Variants in HEPH observed in about 807,000 individuals in gnomAD.
The protein encoded by HEPH is hephaestin.
Under a neutral mutation model 80.8 loss-of-function variants are expected in HEPH, and 69 were observed. The observed-to-expected ratio is 0.85, with a 90% CI of 0.70 to 1.04. The LOEUF (loss-of-function observed/expected upper bound fraction) is 1.04. HEPH is among the 50% of genes least tolerant of loss of function. HEPH has a pLI of 0.00. For synonymous variants in HEPH, 431 were observed against 322.8 expected, an observed-to-expected ratio of 1.34 and a Z score of -3.60; for missense variants, 1,115 against 891.3, an observed-to-expected ratio of 1.25 and a Z score of -3.20.
At chrX:66,177,913 T>C (rs2086883696) in intron 4 of HEPH, among the ~76,000 whole-genome samples, 1 of 107,679 alleles carries the variant, frequency 9.3e-6, no homozygotes, top group African/African-American at 3.5e-5. Context: ...TTGGTTTTTA[T>C]AGGTTGTGTT....
intron 15 of HEPH, among the ~76,000 whole-genome samples, chrX:66,218,067 A>G (rs2089474558): frequency 1.8e-5 from 2 of 111,863 alleles, no homozygotes; most frequent in African/African-American, 6.5e-5. Context: ...TGAGGCAGAC[A>G]GCAACAGAAT....
intron 13 of HEPH, among the ~76,000 whole-genome samples, chrX:66,206,948 C>T (rs1035693487): frequency 1.6e-4 from 17 of 109,101 alleles, no homozygotes; most frequent in African/African-American, 5.3e-4. Flanking sequence ...ACTCGGAAGG[C>T]GGAGGTTGTG....
intron 5 of HEPH, among the ~76,000 whole-genome samples, chrX:66,188,941 G>A (rs2087643016): frequency 8.9e-6 from 1 of 112,523 alleles, no homozygotes; most frequent in South Asian, 3.7e-4. Context: ...TATCCACTTT[G>A]TGGAGAAAAA....
intron 15 of HEPH, among the ~76,000 whole-genome samples, chrX:66,212,759 G>T (rs1022390751): frequency 9.0e-6 from 1 of 110,512 alleles, no homozygotes; most frequent in Non-Finnish European, 1.9e-5. Context: ...TGCCTCCAGT[G>T]GTTTATTTAT....
At chrX:66,204,329 AAAG>A (rs764029128) in intron 13 of HEPH, among the ~76,000 whole-genome samples, 10 of 112,429 alleles carry the variant, frequency 8.9e-5, no homozygotes, top group East Asian at 2.8e-4. Flanking sequence ...TATTACTAAA[AAAG>A]AAGGAGAGAA....
intron 17 of HEPH, among the ~76,000 whole-genome samples, chrX:66,258,023 G>T (rs1352811532): frequency 8.9e-6 from 1 of 111,917 alleles, no homozygotes; most frequent in East Asian, 2.8e-4. Flanking sequence ...ATGCATTAAT[G>T]TTATTAATTC....
rs368312129 is a variant in HEPH, at chrX:66,231,058, C to G, written c.2563+22812C>G. The stretch of plus-strand genomic sequence containing the variant: ...AATCCTTTCCCCATTGCTTGTTTTT[C>G]TCAGGTTTGTCAAAGATCAGATAGT... On this transcript the variant is annotated intron_variant, in intron 15 of 20. Transcript: ENST00000343002. Among the ~76,000 whole-genome samples the G allele has an allele frequency of 7.8e-3, 850 of 108,617 alleles. 12 individuals carry two copies. Among genetic ancestry groups the G allele is most frequent in the Middle Eastern group, 0.023 (5 of 214 alleles). The allele number at this position is 108,617 out of a possible 115,157, so 94.3% of individuals were successfully genotyped here.
intron 15 of HEPH, among the ~76,000 whole-genome samples, chrX:66,224,061 A>T (rs1053379440): frequency 9.6e-6 from 1 of 103,957 alleles, no homozygotes; most frequent in African/African-American, 3.8e-5. Context: ...CTTTTTACTA[A>T]ATTCTGCAGC....
At position 66,258,852 on chromosome X, in the gene HEPH, A is replaced by G. The variant is rs2091265237; in HGVS notation, c.2909A>G (p.Lys970Arg). 8.7e-7 allele frequency: 1 copy of G among 1,155,551 alleles called. No homozygotes were observed. The highest frequency in any genetic ancestry group is 3.2e-5 in the East Asian group (1 of 31,631). ...TTTTTTTTGACAGCAATCAATGGGA[A>G]ACTCTATGCCAACCTTAGGGGTCTT... ...ESNKMHAING[K>R]LYANLRGLTM... Residue 970 changes from lysine to arginine, a missense_variant, in exon 18 of 21, where the codon AAA (lysine) becomes AGA (arginine). Physicochemically the swap from Lys to Arg is conservative, Grantham distance 26. Around this residue, in one of 3 missense-constraint regions of HEPH, gnomAD observed 716 missense variants for 523.5 expected, o/e 1.37. Coordinates refer to ENST00000343002, the MANE Select transcript of HEPH (RefSeq NM_001367233.3).
chrX:66,254,721 C>T (rs1310232307), intron 15 of HEPH, among the ~76,000 whole-genome samples: 2 of 108,951 alleles, frequency 1.8e-5, no homozygotes, highest in African/African-American at 6.7e-5. Context: ...AAAAAATAAA[C>T]CAAAGCAGAG....
chrX:66,179,716 G>T (rs1309517895), intron 4 of HEPH, among the ~76,000 whole-genome samples: 2 of 110,870 alleles, frequency 1.8e-5, no homozygotes, highest in Non-Finnish European at 3.8e-5. Flanking sequence ...TCTATCTATG[G>T]CATTTCTTAG....
At chrX:66,248,773 A>G (rs756212883) in intron 15 of HEPH, among the ~76,000 whole-genome samples, 1 of 112,285 alleles carries the variant, frequency 8.9e-6, no homozygotes, top group African/African-American at 3.2e-5. Context: ...GGTGGAAGAT[A>G]TAAACAGAAA....
At chrX:66,246,116 G>A (rs1284329675) in intron 15 of HEPH, among the ~76,000 whole-genome samples, 4 of 112,052 alleles carry the variant, frequency 3.6e-5, no homozygotes, top group African/African-American at 1.3e-4. Flanking sequence ...AGCTCTAGCA[G>A]GTGTAGCCTG....
At chrX:66,237,732 C>T (rs2090419513) in intron 15 of HEPH, among the ~76,000 whole-genome samples, 1 of 111,968 alleles carries the variant, frequency 8.9e-6, no homozygotes, top group Non-Finnish European at 1.9e-5. Context: ...TTGAAGTATT[C>T]CACTGTTATT....
At chrX:66,197,959 G>A (rs750977197) in intron 10 of HEPH, 65 bp downstream of exon 10, 7 of 969,459 alleles carry the variant, frequency 7.2e-6, no homozygotes, top group Non-Finnish European at 1.0e-5. Context: ...TTGCTGGATA[G>A]GAGTTAAGCA....
chrX:66,191,268 T>G (rs1317699640), intron 6 of HEPH, among the ~76,000 whole-genome samples: 1 of 112,094 alleles, frequency 8.9e-6, no homozygotes, highest in Admixed American at 9.4e-5. Context: ...AAAGTCTATT[T>G]CATACAATGG....
At chrX:66,239,884 C>T (rs1006186427) in intron 15 of HEPH, among the ~76,000 whole-genome samples, 3 of 111,556 alleles carry the variant, frequency 2.7e-5, no homozygotes, top group Non-Finnish European at 5.6e-5. Context: ...GTTGTCAAGC[C>T]CTTCTCCCAC....
chrX:66,223,835 A>C (rs942278425), intron 15 of HEPH, among the ~76,000 whole-genome samples: 1 of 111,698 alleles, frequency 9.0e-6, no homozygotes, highest in South Asian at 3.7e-4. Context: ...CTTGCACATA[A>C]ACTTTTTTTT....
intron 4 of HEPH, among the ~76,000 whole-genome samples, chrX:66,178,254 TC>T (rs1180078374): frequency 2.7e-5 from 3 of 112,080 alleles, no homozygotes; most frequent in African/African-American, 9.7e-5. Flanking sequence ...TTCATCTATG[TC>T]CCTACAAAGG....
Sources: gnomAD v4.1 joint callset for allele counts (sites outside exome capture counted in the v4.1 genomes callset) on GRCh38, gnomAD v4.1.1 for gene constraint, gnomAD v4.1.1 regional missense constraint, MANE v1.5 for transcripts, NCBI Gene and HGNC (gene_info 2026-07-23, HGNC 2026-07-21) for gene names.